Variants in PDZD8 observed in about 807,000 individuals in gnomAD.
PDZD8 encodes the protein PDZ domain containing 8.
PDZD8 carries 14 observed loss-of-function variants against 85.8 expected under a neutral mutation model. The ratio of observed to expected loss-of-function variants is 0.16; its 90% confidence interval spans 0.11 to 0.26. The LOEUF is 0.26. Among genes scored for constraint, PDZD8 ranks in the 10% least tolerant of loss-of-function variants. PDZD8 has a pLI of 1.00. For missense variants in PDZD8, 1,197 were observed against 1,424.3 expected (o/e 0.84, Z 2.57); for synonymous variants, 592 against 568.6 (o/e 1.04, Z -0.59).
intron 1 of PDZD8, among the ~76,000 whole-genome samples, chr10:117,345,953 G>A (rs7476816): frequency 1.4e-4 from 22 of 151,950 alleles, no homozygotes; most frequent in African/African-American, 3.6e-4. Flanking sequence ...TCAGCTATAG[G>A]GGTTCAGCCA....
Position 117,278,133 on chromosome 10 carries a change from T to C in PDZD8, c.*5135A>G, listed in dbSNP as rs1844525668. 1 of 152,190 alleles carries C rather than the reference T, an allele frequency of 6.6e-6. No individual in the cohort carries two copies. The highest frequency in any genetic ancestry group is 2.4e-5 in the African/African-American group (1 of 41,452). 9.4% of individuals were successfully genotyped at this position (152,190 alleles called of 1,614,324 possible). On this transcript the variant is annotated 3_prime_UTR_variant, in exon 5 of 5. Coordinates refer to ENST00000334464, the MANE Select transcript of PDZD8 (RefSeq NM_173791.5). The stretch of plus-strand genomic sequence containing the variant: ...AAGGTTAATCGCCATCTACTTCAAG[T>C]TTTAGAAAAGGAAACAAGAAGCTGA...
At chr10:117,341,828 G>A (rs185955742) in intron 1 of PDZD8, among the ~76,000 whole-genome samples, 2 of 152,366 alleles carry the variant, frequency 1.3e-5, no homozygotes, top group Admixed American at 6.5e-5. Context: ...ATTACAGACA[G>A]TGATTAGTAC....
At chr10:117,301,135 C>T (rs566882021) in intron 3 of PDZD8, among the ~76,000 whole-genome samples, 2 of 151,942 alleles carry the variant, frequency 1.3e-5, no homozygotes, top group Non-Finnish European at 2.9e-5. Context: ...ATTACAGGTG[C>T]GTGCCACCAC....
chr10:117,372,828 C>A (rs995831808), intron 1 of PDZD8, among the ~76,000 whole-genome samples: 1 of 152,172 alleles, frequency 6.6e-6, no homozygotes. Context: ...TTAGCCTAAA[C>A]AAAACATAAT....
chr10:117,321,197 C>A (rs1844219639), intron 2 of PDZD8, among the ~76,000 whole-genome samples: 1 of 152,114 alleles, frequency 6.6e-6, no homozygotes, highest in Admixed American at 6.6e-5. Flanking sequence ...CAAATGTTCA[C>A]AGCAGCATTA....
In PDZD8 at chr10:117,283,359, T is replaced by C. The variant is rs750617461; in HGVS notation, c.3374A>G (p.Glu1125Gly). 1.9e-5 allele frequency: 31 copies of C among 1,614,040 alleles called. No homozygotes were observed. In the East Asian group the frequency reaches 6.5e-4, roughly 34 times the overall value. The change falls in exon 5 of 5, where the codon GAA (glutamate) becomes GGA (glycine). Residue 1125 changes from glutamate (E) to glycine (G), a missense_variant. This residue lies in a region of PDZD8 where 418 missense variants were observed against 571.1 expected (regional missense o/e 0.73). Transcript: ENST00000334464. ...TTGGCTTATTTCATTATCAAGGTCT[T>C]CTTCTGTATCATCTGTGTACTTGCT... ...KISKYTDDTEEDLDNEISQLI... is the reference protein window; with the variant it reads ...KISKYTDDTEGDLDNEISQLI...
chr10:117,299,324 G>A (rs1487538100), intron 3 of PDZD8, among the ~76,000 whole-genome samples: 1 of 152,092 alleles, frequency 6.6e-6, no homozygotes, highest in Non-Finnish European at 1.5e-5. Flanking sequence ...AATTTCCCAG[G>A]TATTCTTTGA....
At chr10:117,335,949 T>C (rs75154990) in intron 2 of PDZD8, among the ~76,000 whole-genome samples, 493 of 152,318 alleles carry the variant, frequency 3.2e-3, no homozygotes, top group Non-Finnish European at 5.1e-3. Context: ...AACAATTCCA[T>C]AAGGATGAAC....
At chr10:117,303,536 C>T (rs1229289196) in intron 3 of PDZD8, among the ~76,000 whole-genome samples, 1 of 152,184 alleles carries the variant, frequency 6.6e-6, no homozygotes, top group Non-Finnish European at 1.5e-5. Context: ...CAGAAATTTG[C>T]ATAAGTAGCA....
At position 117,282,096 on chromosome 10, in the gene PDZD8, C is replaced by A. The variant is rs979345391; in HGVS notation, c.*1172G>T. ...TCCTATGTATGAATACTATTTTTGT[C>A]ATTCTTTTCTTAATGAATACTCACT... is the stretch of plus-strand genomic sequence containing the variant. On this transcript the variant is annotated 3_prime_UTR_variant, in exon 5 of 5. Coordinates refer to ENST00000334464, the MANE Select transcript of PDZD8 (RefSeq NM_173791.5). 1 of 152,112 alleles carries A rather than the reference C, an allele frequency of 6.6e-6. No individual in the cohort carries two copies. The highest frequency in any genetic ancestry group is 2.4e-5 in the African/African-American group (1 of 41,422). The allele number at this position is 152,112 out of a possible 1,614,324, so 9.4% of individuals were successfully genotyped here.
Position 117,341,061 on chromosome 10 carries a change from TC to T in PDZD8, c.913del (p.Glu305LysfsTer24). On this transcript the variant is annotated frameshift_variant, in exon 2 of 5. Coordinates refer to ENST00000334464, the MANE Select transcript of PDZD8 (RefSeq NM_173791.5). LOFTEE classifies it high-confidence loss of function. ...FFPYQTLQGFEEDEEHIHIQQ... is the reference protein window; with the variant it reads ...FFPYQTLQGFXEDEEHIHIQQ... ...TATATGGATATGCTCTTCATCTTCT[TC>T]AAATCCTTGCAAGGTCTGGTATGGA... The T allele has an allele frequency of 6.2e-7, 1 of 1,613,796 alleles. No individual in the cohort carries two copies.
chr10:117,340,894 T>C lies in PDZD8; in HGVS notation c.995+86A>G, dbSNP rs184746116. The C allele has an allele frequency of 5.1e-3, 7,299 of 1,425,302 alleles. 55 individuals are homozygous for C. The highest frequency in any genetic ancestry group is 5.1e-3 in the Non-Finnish European group (5,394 of 1,050,550). The allele number at this position is 1,425,302 out of a possible 1,614,324, so 88.3% of individuals were successfully genotyped here. A position where few individuals can be genotyped will look rare whatever the true frequency, so the allele number is the denominator to read the frequency against. ...TTACAGGTAAATAATATAATTTAAA[T>C]GAACACACAACACAAATACTGCTTA... On this transcript the variant is annotated intron_variant, in intron 2 of 4. Coordinates refer to ENST00000334464, the MANE Select transcript of PDZD8 (RefSeq NM_173791.5).
intron 3 of PDZD8, among the ~76,000 whole-genome samples, chr10:117,315,913 A>G (rs2133805441): frequency 6.6e-6 from 1 of 152,338 alleles, no homozygotes; most frequent in African/African-American, 2.4e-5. Flanking sequence ...TAAAATCTGA[A>G]AACTCCTTAA....
In PDZD8 at chr10:117,375,185, A is replaced by C. The variant is rs1198989887; in HGVS notation, c.43T>G (p.Ser15Ala). The change falls in exon 1 of 5, where the codon TCC becomes GCC. Residue 15 changes from serine to alanine, a missense_variant. Around this residue, in one of 4 missense-constraint regions of PDZD8, gnomAD observed 172 missense variants for 137.8 expected, o/e 1.25. Transcript: ENST00000334464. ...LMILASAVLG[S>A]FLTLLAQFFL... ...AACTGGGCGAGGAGCGTGAGGAAGG[A>C]ACCCAGCACGGCCGACGCCAGGATC... 1.3e-6 allele frequency: 2 copies of C among 1,572,126 alleles called. No individual in the cohort carries two copies. The highest frequency in any genetic ancestry group is 1.7e-6 in the Non-Finnish European group (2 of 1,165,112).
rs1554854838 is a variant in PDZD8 at position 117,333,118 on chromosome 10, A to AAAAAAAAC, written c.995+7861_995+7862insGTTTTTTT. Reference sequence around the variant, plus strand: ...TGGACAGCAGAGTGGACTCTGTCTCAAAAAAAAAAAAAAAAAAAAAAAAAA... The same window carrying AAAAAAAAC: ...TGGACAGCAGAGTGGACTCTGTCTCAAAAAAAACAAAAAAAAAAAAAAAAAAAAAAAAA... On this transcript the variant is annotated intron_variant, in intron 2 of 4. Coordinates refer to ENST00000334464, the MANE Select transcript of PDZD8 (RefSeq NM_173791.5). Among the ~76,000 whole-genome samples, 112 of 97,600 alleles carry AAAAAAAAC rather than the reference A, an allele frequency of 1.1e-3. 5 individuals carry two copies. Among genetic ancestry groups the AAAAAAAAC allele is most frequent in the Non-Finnish European group, 2.0e-3 (102 of 50,320 alleles). The allele number at this position is 97,600 out of a possible 152,430, so 64.0% of individuals were successfully genotyped here. A position where few individuals can be genotyped will look rare whatever the true frequency, so the allele number is the denominator to read the frequency against.
chr10:117,363,976 A>G (rs1845041105), intron 1 of PDZD8, among the ~76,000 whole-genome samples: 1 of 152,202 alleles, frequency 6.6e-6, no homozygotes, highest in Admixed American at 6.5e-5. Flanking sequence ...AGTATAATCT[A>G]CAGTTTATCA....
In PDZD8 at chr10:117,341,059, C is replaced by T. The variant is rs1344547837; in HGVS notation, c.916G>A (p.Glu306Lys). ...TGTATATGGATATGCTCTTCATCTT[C>T]TTCAAATCCTTGCAAGGTCTGGTAT... ...FPYQTLQGFE[E>K]DEEHIHIQQW... Residue 306 changes from glutamate (E) to lysine (K), a missense_variant, in exon 2 of 5, where the codon GAA (glutamate) becomes AAA (lysine). By Grantham distance (56) the Glu-to-Lys change is moderately conservative (BLOSUM62 1). Transcript: ENST00000334464. 4.3e-6 allele frequency: 7 copies of T among 1,613,576 alleles called. No homozygotes were observed. Among genetic ancestry groups the T allele is most frequent in the Non-Finnish European group, 5.9e-6 (7 of 1,179,664 alleles).
intron 4 of PDZD8, among the ~76,000 whole-genome samples, chr10:117,287,277 GCTT>G (rs1589994421): frequency 1.3e-5 from 2 of 151,932 alleles, no homozygotes; most frequent in East Asian, 3.9e-4. Context: ...CTCTCCTCTA[GCTT>G]CTTTTTCTCC....
intron 2 of PDZD8, 63 bp from the exon 3 acceptor site, chr10:117,319,037 T>C (rs1844180085): frequency 2.6e-6 from 3 of 1,146,402 alleles, no homozygotes; most frequent in Admixed American, 2.0e-5. Context: ...AATTTTTCTT[T>C]CTGATTATTA....
Sources: gnomAD v4.1 joint callset for allele counts (sites outside exome capture counted in the v4.1 genomes callset) on GRCh38, gnomAD v4.1.1 for gene constraint, gnomAD v4.1.1 regional missense constraint, MANE v1.5 for transcripts, NCBI Gene and HGNC (gene_info 2026-07-23, HGNC 2026-07-21) for gene names.